SHARPIN: variants seen among roughly 807,000 people sequenced by gnomAD.
SHARPIN encodes SHANK associated RH domain interactor.
SHARPIN carries 25 observed loss-of-function variants against 40.3 expected under a neutral mutation model. The observed-to-expected ratio is 0.62, with a 90% confidence interval of 0.45 to 0.87. The LOEUF (loss-of-function observed/expected upper bound fraction) is 0.87. SHARPIN is among the 40% of genes least tolerant of loss of function. The pLI is 0.00. For synonymous variants in SHARPIN, 274 were observed against 221.8 expected, an observed-to-expected ratio of 1.24 and a Z score of -2.09; for missense variants, 551 against 516.1, an observed-to-expected ratio of 1.07 and a Z score of -0.66.
chr8:144,103,544 C>A lies in SHARPIN; in HGVS notation c.201+9G>T, dbSNP rs1004530568. ...GAGGACTGACCGCGCGCCCTCCGCC[C>A]CCACTCACCGCCCCAGGTCCCGCGC... On this transcript the variant is annotated intron_variant, in intron 1 of 8. Transcript: ENST00000398712. 6.5e-7 allele frequency: 1 copy of A among 1,531,742 alleles called. No individual in the cohort carries two copies. Among genetic ancestry groups the A allele is most frequent in the East Asian group, 2.4e-5 (1 of 40,826 alleles). The allele number at this position is 1,531,742 out of a possible 1,614,324, so 94.9% of individuals were successfully genotyped here.
In SHARPIN at chr8:144,103,590, C is replaced by G. The variant is rs760040462; in HGVS notation, c.164G>C (p.Arg55Pro). The change falls in exon 1 of 9, where the codon CGC becomes CCC. Residue 55 changes from arginine (R) to proline (P), a missense_variant. Transcript: ENST00000398712. ...QLSADPERPG[R>P]FRLELLGAGP... ...CGCGCCCAGCAGCTCCAGCCGGAAG[C>G]GCCCAGGCCGCTCAGGGTCCGCGCT... 1 of 1,530,938 alleles carries G rather than the reference C, an allele frequency of 6.5e-7. No homozygotes were observed. Among genetic ancestry groups the G allele is most frequent in the Non-Finnish European group, 8.7e-7 (1 of 1,144,970 alleles). 94.8% of individuals were successfully genotyped at this position (1,530,938 alleles called of 1,614,324 possible).
In SHARPIN at chr8:144,103,573, G is replaced by A. The variant is rs920653869; in HGVS notation, c.181C>T (p.Leu61=). 6 of 1,531,050 alleles carry A rather than the reference G, an allele frequency of 3.9e-6. No homozygotes were observed. The highest frequency in any genetic ancestry group is 1.4e-5 in the African/African-American group (1 of 72,724). 94.8% of individuals were successfully genotyped at this position (1,531,050 alleles called of 1,614,324 possible). A position where few individuals can be genotyped will look rare whatever the true frequency, so the allele number is the denominator to read the frequency against. Residue 61 remains leucine (L), a synonymous_variant, in exon 1 of 9, where the codon CTG becomes TTG. Coordinates refer to ENST00000398712, the MANE Select transcript of SHARPIN (RefSeq NM_030974.4). ...CTCACCGCCCCAGGTCCCGCGCCCA[G>A]CAGCTCCAGCCGGAAGCGCCCAGGC... ...ERPGRFRLEL[L]GAGPGAVNLE... is the part of the protein sequence containing the mutation.
Position 144,099,727 on chromosome 8 carries a change from G to T in SHARPIN, c.635C>A (p.Ala212Asp), listed in dbSNP as rs770546108. The change falls in exon 4 of 9, where the codon GCC (alanine) becomes GAC (aspartate). Residue 212 changes from alanine to aspartate, a missense_variant. By Grantham distance (126) the Ala-to-Asp change is moderately radical (BLOSUM62 -2). Transcript: ENST00000398712. ...CCTGATGGGGCCAGGTGGGAAGCAG[G>T]CCTCCTGAAGCTGAACACTCAGGGC... ...RVALSVQLQE[A>D]CFPPGPIRLQ... 21 of 1,613,498 alleles carry T rather than the reference G, an allele frequency of 1.3e-5. No individual in the cohort carries two copies. In the Admixed American group the frequency reaches 3.5e-4, roughly 27 times the overall value.
intron 5 of SHARPIN, 32 bp downstream of exon 5, chr8:144,099,478 C>T (rs1185712044): frequency 3.1e-6 from 5 of 1,609,670 alleles, no homozygotes; most frequent in East Asian, 2.2e-5. Context: ...GCTCCTCTGC[C>T]CCTGGCAGGG....
Position 144,099,827 on chromosome 8 carries a change from G to C in SHARPIN, c.535C>G (p.Leu179Val), listed in dbSNP as rs780365154. Residue 179 changes from leucine to valine, a missense_variant, in exon 4 of 9, where the codon CTG becomes GTG. Leu to Val is a conservative substitution (Grantham distance 32). Transcript: ENST00000398712. ...LTEREELAGS[L>V]ARAIAGGDEK... ...TCTCCACCTGCAATAGCCCGGGCCA[G>C]GCTCCCTGCCAGCTCTTCTGCAGGG... 4 of 1,612,702 alleles carry C rather than the reference G, an allele frequency of 2.5e-6. No individual in the cohort carries two copies. Among genetic ancestry groups the C allele is most frequent in the Non-Finnish European group, 3.4e-6 (4 of 1,179,994 alleles).
At chr8:144,103,374 T>C in intron 1 of SHARPIN, 149 bp from the exon 2 acceptor site, 1 of 1,042,806 alleles carries the variant, frequency 9.6e-7, no homozygotes, top group Admixed American at 2.6e-5. Context: ...CCCTGTAAAG[T>C]AGGTCCAGGT....
chr8:144,103,377 G>A (rs1836330089), intron 1 of SHARPIN, 152 bp from the exon 2 acceptor site: 6 of 1,079,202 alleles, frequency 5.6e-6, no homozygotes, highest in South Asian at 1.6e-5. Flanking sequence ...TGTAAAGTAG[G>A]TCCAGGTAGG....
At chr8:144,102,217 G>A (rs1836300693) in intron 2 of SHARPIN, among the ~76,000 whole-genome samples, 1 of 151,798 alleles carries the variant, frequency 6.6e-6, no homozygotes, top group African/African-American at 2.4e-5. Context: ...GTGAGAGAGG[G>A]AGTCTTTGTC....
In SHARPIN at chr8:144,099,857, G is replaced by A. The variant is rs781046660; in HGVS notation, c.518-13C>T. ...CCTGCCAGCTCTTCTGCAGGGTAAG[G>A]AAAGGACAGCTGTCACCACTGGGGA... On this transcript the variant is annotated splice_polypyrimidine_tract_variant and intron_variant, in intron 3 of 8. Transcript: ENST00000398712. 1.9e-6 allele frequency: 3 copies of A among 1,612,050 alleles called. No individual in the cohort carries two copies. In the African/African-American group the frequency reaches 4.0e-5, roughly 22 times the overall value.
At chr8:144,099,682 A>G in intron 4 of SHARPIN, 21 bp downstream of exon 4, 4 of 1,613,340 alleles carry the variant, frequency 2.5e-6, no homozygotes, top group Non-Finnish European at 3.4e-6. Flanking sequence ...GACAAGGTGA[A>G]GAAGCAGCCC....
In SHARPIN at chr8:144,103,078, G is replaced by C; in HGVS notation, c.349C>G (p.Arg117Gly). ...QEAQRWAVLV[R>G]GATVEGQNGS... ...TTCTGTCCTTCCACGGTGGCACCTC[G>C]GACTAGGACTGCCCACCGCTGAGCT... The change falls in exon 2 of 9, where the codon CGA becomes GGA. Residue 117 changes from arginine (R) to glycine (G), a missense_variant. Transcript: ENST00000398712. 6.2e-7 allele frequency: 1 copy of C among 1,613,012 alleles called. No individual in the cohort carries two copies. Among genetic ancestry groups the C allele is most frequent in the Non-Finnish European group, 8.5e-7 (1 of 1,179,844 alleles).
chr8:144,099,318 G>C lies in SHARPIN; in HGVS notation c.881C>G (p.Pro294Arg), dbSNP rs1442385788. Reference protein sequence around the residue: ...ASYGVRQDGDPAFLYLLSAPR... With the variant: ...ASYGVRQDGDRAFLYLLSAPR... ...AGCTGACAGCAAGTAGAGGAAAGCA[G>C]GGTCCCCATCCTGCCGAACCCCGTA... The change falls in exon 6 of 9, where the codon CCT becomes CGT. Residue 294 changes from proline (P) to arginine (R), a missense_variant. Transcript: ENST00000398712. The C allele has an allele frequency of 6.2e-7, 1 of 1,614,132 alleles. No homozygotes were observed. Among genetic ancestry groups the C allele is most frequent in the South Asian group, 1.1e-5 (1 of 91,088 alleles).
chr8:144,099,583 G>C lies in SHARPIN; in HGVS notation c.695C>G (p.Ala232Gly). 6.2e-7 allele frequency: 1 copy of C among 1,614,084 alleles called. No individual in the cohort carries two copies. Among genetic ancestry groups the C allele is most frequent in the South Asian group, 1.1e-5 (1 of 91,082 alleles). The change falls in exon 5 of 9, where the codon GCA (alanine) becomes GGA (glycine). Residue 232 changes from alanine (A) to glycine (G), a missense_variant. Ala to Gly is a moderately conservative substitution (Grantham distance 60). Transcript: ENST00000398712. ...QVTLEDAASA[A>G]SAASSAHVAL... Reference sequence around the variant, plus strand: ...AACGTGTGCAGAGGACGCGGCGGATGCGGCAGAGGCAGCGTCTTCAAGTGT... The same window carrying C: ...AACGTGTGCAGAGGACGCGGCGGATCCGGCAGAGGCAGCGTCTTCAAGTGT...
At chr8:144,101,700 G>A (rs999362602) in intron 2 of SHARPIN, among the ~76,000 whole-genome samples, 6 of 151,120 alleles carry the variant, frequency 4.0e-5, no homozygotes, top group Non-Finnish European at 8.8e-5. Flanking sequence ...ACAGGTGTGA[G>A]CCACCGTGCC....
In SHARPIN at chr8:144,103,188, G is replaced by A. The variant is rs202027460; in HGVS notation, c.239C>T (p.Thr80Ile). 410 of 1,612,968 alleles carry A rather than the reference G, an allele frequency of 2.5e-4. No individual in the cohort carries two copies. Among genetic ancestry groups the A allele is most frequent in the Non-Finnish European group, 1.2e-4 (145 of 1,179,778 alleles). Reference protein sequence around the residue: ...LEWPLESVSYTIRGPTQHELQ... With the variant: ...LEWPLESVSYIIRGPTQHELQ... ...CTCGTGCTGGGTGGGGCCTCGGATGGTGTAGGAAACTGACTCCAGGGGCCA... is the reference window on the plus strand; with the variant it reads ...CTCGTGCTGGGTGGGGCCTCGGATGATGTAGGAAACTGACTCCAGGGGCCA... Residue 80 changes from threonine (T) to isoleucine (I), a missense_variant, in exon 2 of 9, where the codon ACC (threonine) becomes ATC (isoleucine). By Grantham distance (89) the Thr-to-Ile change is moderately conservative. Transcript: ENST00000398712.
intron 2 of SHARPIN, chr8:144,102,630 C>T (rs1366813490): frequency 4.0e-6 from 1 of 252,548 alleles, no homozygotes; most frequent in African/African-American, 2.3e-5. Flanking sequence ...CCTATCTGCA[C>T]CAACCCTTGC....
Position 144,102,582 on chromosome 8 carries a change from ATCT to A in SHARPIN, c.376+466_376+468del, listed in dbSNP as rs367915714. The A allele has an allele frequency of 2.4e-4, 41 of 173,784 alleles. 1 individual carries two copies. In the South Asian group the frequency reaches 3.9e-3, roughly 17 times the overall value. The allele number at this position is 173,784 out of a possible 1,614,324, so 10.8% of individuals were successfully genotyped here. A position where few individuals can be genotyped will look rare whatever the true frequency, so the allele number is the denominator to read the frequency against. On this transcript the variant is annotated intron_variant, in intron 2 of 8. Transcript: ENST00000398712. Reference sequence around the variant, plus strand: ...GCCACCCCACCCGGCCACTAATTCCATCTTCTAAGCATCTCTAGAAACATCCTT... The same window carrying A: ...GCCACCCCACCCGGCCACTAATTCCATCTAAGCATCTCTAGAAACATCCTT...
intron 2 of SHARPIN, among the ~76,000 whole-genome samples, chr8:144,100,567 C>G (rs1245434219): frequency 6.6e-6 from 1 of 152,174 alleles, no homozygotes; most frequent in Admixed American, 6.5e-5. Context: ...GCCCAGCCCA[C>G]TGCAATGGGG....
In SHARPIN at chr8:144,099,858, A is replaced by G; in HGVS notation, c.518-14T>C. ...CTGCCAGCTCTTCTGCAGGGTAAGG[A>G]AAGGACAGCTGTCACCACTGGGGAC... On this transcript the variant is annotated splice_polypyrimidine_tract_variant and intron_variant, in intron 3 of 8. Coordinates refer to ENST00000398712, the MANE Select transcript of SHARPIN (RefSeq NM_030974.4). 6.2e-7 allele frequency: 1 copy of G among 1,612,116 alleles called. No individual in the cohort carries two copies. Among genetic ancestry groups the G allele is most frequent in the Non-Finnish European group, 8.5e-7 (1 of 1,179,868 alleles).
Sources: allele counts gnomAD v4.1 joint callset (sites outside exome capture counted in the v4.1 genomes callset), GRCh38; gene constraint gnomAD v4.1.1; transcripts MANE v1.5; gene names NCBI Gene and HGNC (gene_info 2026-07-23, HGNC 2026-07-21).